Variants in SLC2A9 observed in about 807,000 individuals in gnomAD.
The protein encoded by SLC2A9 is solute carrier family 2 member 9.
A neutral mutation model predicts 50.6 loss-of-function variants in SLC2A9; 39 were observed. The observed-to-expected ratio is 0.77, with a 90% CI of 0.60 to 1.01. The LOEUF (loss-of-function observed/expected upper bound fraction) is 1.01, where lower values mean the gene tolerates loss of function less well. SLC2A9 is among the 50% of genes least tolerant of loss of function. The pLI, the probability that SLC2A9 is intolerant of heterozygous loss-of-function variation, is 0.00. For synonymous variants in SLC2A9, 324 were observed against 276.9 expected (o/e 1.17, Z -1.69); for missense variants, 686 against 677.6 (o/e 1.01, Z -0.14).
intron 3 of SLC2A9, chr4:9,783,447 C>G (rs1226206635): frequency 6.2e-7 from 1 of 1,608,020 alleles, no homozygotes; most frequent in Non-Finnish European, 8.5e-7. Context: ...CCTTTCACCC[C>G]GAATGGATTC....
chr4:9,787,702 G>T (rs1347520162), intron 3 of SLC2A9, among the ~76,000 whole-genome samples: 1 of 152,182 alleles, frequency 6.6e-6, no homozygotes, highest in East Asian at 1.9e-4. Flanking sequence ...TCATGACACG[G>T]ACCTTTGTGA....
chr4:9,841,915 C>A (rs1022319991), intron 10 of SLC2A9, among the ~76,000 whole-genome samples: 1 of 152,120 alleles, frequency 6.6e-6, no homozygotes, highest in Non-Finnish European at 1.5e-5. Flanking sequence ...CTCTGTCTCC[C>A]CCATAAAATC....
At chr4:10,012,806 GGAGT>G (rs1053547959) in intron 2 of SLC2A9, among the ~76,000 whole-genome samples, 2 of 152,072 alleles carry the variant, frequency 1.3e-5, no homozygotes, top group African/African-American at 4.8e-5. Context: ...TGGAGAAGAG[GGAGT>G]GAGGGGGGAA....
intron 2 of SLC2A9, among the ~76,000 whole-genome samples, chr4:10,016,456 G>A (rs6857001): frequency 0.32 from 48,047 of 151,976 alleles, 8,666 homozygotes; most frequent in African/African-American, 0.49. Flanking sequence ...GAGGAGGGCC[G>A]GCACCTCATG....
intron 3 of SLC2A9, among the ~76,000 whole-genome samples, chr4:9,993,193 G>T (rs1282530136): frequency 6.6e-6 from 1 of 152,198 alleles, no homozygotes; most frequent in Non-Finnish European, 1.5e-5. Flanking sequence ...CCCAGGATCA[G>T]ATTTCAAAGC....
chr4:9,781,828 C>T (rs1718434151), intron 3 of SLC2A9: 1 of 452,882 alleles, frequency 2.2e-6, no homozygotes, highest in East Asian at 3.4e-5. Flanking sequence ...CGCACCACGG[C>T]CATGGAGCCA....
chr4:9,887,682 G>A (rs1224033357), intron 9 of SLC2A9, 40 bp from the exon 10 acceptor site: 2 of 1,431,166 alleles, frequency 1.4e-6, no homozygotes, highest in East Asian at 5.5e-5. Context: ...GGAGGTGATG[G>A]TGTGACCGGA....
At chr4:10,026,070 A>G, upstream of SLC2A9, 1 of 1,240,190 alleles carries the variant, frequency 8.1e-7, no homozygotes, top group Non-Finnish European at 1.2e-6. Context: ...AAGTCAGGGG[A>G]GGTGGCCTGG....
intron 7 of SLC2A9, among the ~76,000 whole-genome samples, chr4:9,915,949 G>C (rs934762060): frequency 7.2e-5 from 11 of 152,154 alleles, no homozygotes; most frequent in African/African-American, 2.7e-4. Context: ...CCTAATGATG[G>C]TTCAACAAAT....
intron 4 of SLC2A9, among the ~76,000 whole-genome samples, chr4:9,983,340 C>G (rs879864026): frequency 1.4e-4 from 22 of 152,190 alleles, no homozygotes; most frequent in Admixed American, 3.3e-4. Flanking sequence ...TTATTCTGCA[C>G]GTGGCCATGG....
At position 9,921,554 on chromosome 4, in the gene SLC2A9, G is replaced by A. The variant is rs138841362; in HGVS notation, c.815-982C>T. Among the ~76,000 whole-genome samples the A allele has an allele frequency of 2.5e-3, 385 of 152,342 alleles. 4 individuals are homozygous for A. The highest frequency in any genetic ancestry group is 8.4e-3 in the African/African-American group (349 of 41,572). ...AAAACATGGCTCCGCCCCTCAGGGCGTGTGAAAATGCTCTTCTTAAGCAAA... is the reference window on the plus strand; with the variant it reads ...AAAACATGGCTCCGCCCCTCAGGGCATGTGAAAATGCTCTTCTTAAGCAAA... On this transcript the variant is annotated intron_variant, in intron 6 of 11. Coordinates refer to ENST00000264784, the MANE Select transcript of SLC2A9 (RefSeq NM_020041.3).
chr4:10,038,506 CA>C (rs35698968), intron 1 of SLC2A9, among the ~76,000 whole-genome samples: 4,433 of 49,106 alleles, frequency 0.09, 163 homozygotes, highest in East Asian at 0.42. Context: ...GACTCTGTCT[CA>C]AAAAAAAAAA....
At chr4:9,985,821 G>T in intron 3 of SLC2A9, 28 bp from the exon 4 acceptor site, 1 of 1,613,880 alleles carries the variant, frequency 6.2e-7, no homozygotes, top group Non-Finnish European at 8.5e-7. Context: ...ATTTGATGAA[G>T]ATGTCTAACC....
Position 9,783,150 on chromosome 4 carries a change from G to T in SLC2A9, n.386-3085C>A. The T allele has an allele frequency of 1.2e-6, 2 of 1,614,206 alleles. No homozygotes were observed. Among genetic ancestry groups the T allele is most frequent in the Non-Finnish European group, 1.7e-6 (2 of 1,180,046 alleles). ...CAGAAGGTGTTTGCCCAGCTGCTGG[G>T]GTGCAGCCACTTCTGCTCCCGCACG... On this transcript the variant is annotated intron_variant and non_coding_transcript_variant, in intron 3 of 3. Transcript: ENST00000503803.
chr4:9,977,692 C>T (rs1755039354), intron 5 of SLC2A9, among the ~76,000 whole-genome samples: 1 of 152,068 alleles, frequency 6.6e-6, no homozygotes, highest in Admixed American at 6.5e-5. Context: ...CAGATAAATC[C>T]TACTCATCCT....
intron 10 of SLC2A9, among the ~76,000 whole-genome samples, chr4:9,836,960 G>C (rs1164494417): frequency 2.0e-5 from 3 of 152,172 alleles, no homozygotes; most frequent in Non-Finnish European, 4.4e-5. Flanking sequence ...AAGCAGCCCA[G>C]GGTGACAAAG....
At chr4:9,862,927 T>A (rs1031151596) in intron 10 of SLC2A9, among the ~76,000 whole-genome samples, 1 of 152,106 alleles carries the variant, frequency 6.6e-6, no homozygotes, top group Admixed American at 6.5e-5. Context: ...ATACTTTTAA[T>A]TAACAAATGC....
At chr4:9,844,816 TA>T (rs1283820540) in intron 10 of SLC2A9, among the ~76,000 whole-genome samples, 1 of 152,264 alleles carries the variant, frequency 6.6e-6, no homozygotes. Context: ...TTCTCATCTA[TA>T]AAATGAAGAT....
chr4:10,013,887 T>G (rs3756235), intron 2 of SLC2A9, among the ~76,000 whole-genome samples: 14,019 of 152,132 alleles, frequency 0.092, 1,217 homozygotes, highest in East Asian at 0.46. Flanking sequence ...CCTGGGCCAG[T>G]GCTAAAGGCA....
Sources: allele counts gnomAD v4.1 joint callset (sites outside exome capture counted in the v4.1 genomes callset), GRCh38; gene constraint gnomAD v4.1.1; transcripts MANE v1.5; gene names NCBI Gene and HGNC (gene_info 2026-07-23, HGNC 2026-07-21).